The following COL5A2 variants were observed in gnomAD, a reference collection of about 807,000 sequenced individuals.
The protein encoded by COL5A2 is collagen type V alpha 2 chain, also known as collagen alpha-2(V) chain.
Under a neutral mutation model 208.2 loss-of-function variants are expected in COL5A2, and 23 were observed. The observed-to-expected ratio is 0.11, with a 90% CI of 0.08 to 0.16. COL5A2 has a LOEUF of 0.16. COL5A2 is among the 10% of genes least tolerant of loss of function. The pLI, the probability that COL5A2 is intolerant of heterozygous loss-of-function variation, is 1.00. For missense variants in COL5A2, 1,590 were observed against 1,956.4 expected (o/e 0.81, Z 3.53); for synonymous variants, 625 against 628.5 (o/e 0.99, Z 0.08).
intron 1 of COL5A2, among the ~76,000 whole-genome samples, chr2:189,120,045 G>C (rs1271830739): frequency 6.6e-6 from 1 of 151,992 alleles, no homozygotes; most frequent in Non-Finnish European, 1.5e-5. Context: ...TGTCAATCTG[G>C]AAAAAGGAAT....
At chr2:189,311,201 TC>T in the COL5A2 span, 2 of 1,060,908 alleles carry the variant, frequency 1.9e-6, no homozygotes, top group Non-Finnish European at 2.8e-6. Context: ...TATTTTTTTT[TC>T]ACCTCTGAAC....
the COL5A2 span, among the ~76,000 whole-genome samples, chr2:189,310,185 A>C: frequency 6.6e-6 from 1 of 152,238 alleles, no homozygotes; most frequent in Non-Finnish European, 1.5e-5. Flanking sequence ...AAGGAACATT[A>C]ATAATAGATA....
At chr2:189,271,955 A>G in the COL5A2 span, among the ~76,000 whole-genome samples, 1 of 152,218 alleles carries the variant, frequency 6.6e-6, no homozygotes, top group Non-Finnish European at 1.5e-5. Flanking sequence ...CAAAACCACA[A>G]TGAGATACCA....
intron 29 of COL5A2, among the ~76,000 whole-genome samples, chr2:189,062,646 C>T (rs1686059738): frequency 6.6e-6 from 1 of 152,004 alleles, no homozygotes; most frequent in African/African-American, 2.4e-5. Flanking sequence ...CAGAGTTTTA[C>T]AGAAGTTTAA....
chr2:189,421,601 A>C, the COL5A2 span, among the ~76,000 whole-genome samples: 2 of 151,980 alleles, frequency 1.3e-5, no homozygotes, highest in Admixed American at 6.6e-5. Flanking sequence ...CCACAGTAAA[A>C]ATCACTACCA....
At chr2:189,423,889 G>A in the COL5A2 span, among the ~76,000 whole-genome samples, 1 of 150,422 alleles carries the variant, frequency 6.6e-6, no homozygotes, top group African/African-American at 2.5e-5. Flanking sequence ...CAAATCAGAC[G>A]AGGGGGAAAA....
chr2:189,148,692 T>G (rs1688087090), intron 1 of COL5A2, among the ~76,000 whole-genome samples: 1 of 152,214 alleles, frequency 6.6e-6, no homozygotes, highest in South Asian at 2.1e-4. Flanking sequence ...TATTCTAGAA[T>G]CATAGATTTA....
the COL5A2 span, among the ~76,000 whole-genome samples, chr2:189,307,320 CAATT>C: frequency 1.7e-4 from 26 of 152,040 alleles, 1 homozygote; most frequent in South Asian, 5.4e-3. Context: ...TACTTGCTAT[CAATT>C]AATATTCTAC....
At chr2:189,363,435 CTTAA>C in the COL5A2 span, among the ~76,000 whole-genome samples, 196 of 151,918 alleles carry the variant, frequency 1.3e-3, 1 homozygote, top group African/African-American at 3.7e-3. Flanking sequence ...GTTTTTTCTC[CTTAA>C]TTAATGTGGC....
the COL5A2 span, among the ~76,000 whole-genome samples, chr2:189,308,796 C>G: frequency 6.6e-6 from 1 of 152,128 alleles, no homozygotes. Context: ...GTTGTCCTAC[C>G]TTTCTGGACC....
At chr2:189,090,331 G>A (rs1398029821) in intron 7 of COL5A2, among the ~76,000 whole-genome samples, 9 of 152,190 alleles carry the variant, frequency 5.9e-5, no homozygotes, top group Admixed American at 5.9e-4. Flanking sequence ...AGTGGCAGAA[G>A]AAAAGTTGGA....
At chr2:189,350,493 AC>A in the COL5A2 span, among the ~76,000 whole-genome samples, 3 of 152,230 alleles carry the variant, frequency 2.0e-5, no homozygotes, top group African/African-American at 7.2e-5. Flanking sequence ...AAAGTGTTGC[AC>A]TATTTTTCAT....
chr2:189,108,540 T>C (rs1687196257), intron 2 of COL5A2, among the ~76,000 whole-genome samples: 2 of 152,036 alleles, frequency 1.3e-5, no homozygotes, highest in East Asian at 1.9e-4. Flanking sequence ...GAAGTATTTA[T>C]TTATCTTTAA....
chr2:189,101,132 A>T (rs1490743745), intron 3 of COL5A2, among the ~76,000 whole-genome samples: 1 of 152,082 alleles, frequency 6.6e-6, no homozygotes, highest in African/African-American at 2.4e-5. Flanking sequence ...TTCCATTAAT[A>T]TATTAAGAAA....
intron 1 of COL5A2, among the ~76,000 whole-genome samples, chr2:189,147,605 A>G (rs565758049): frequency 5.9e-5 from 9 of 152,212 alleles, no homozygotes; most frequent in Non-Finnish European, 1.3e-4. Flanking sequence ...ATGTTCTAAC[A>G]TGCATAAGGA....
chr2:189,042,208 T>C (rs1361130691), intron 49 of COL5A2, among the ~76,000 whole-genome samples: 1 of 152,196 alleles, frequency 6.6e-6, no homozygotes, highest in African/African-American at 2.4e-5. Context: ...CCACCAATTG[T>C]CTTATGCCAT....
intron 5 of COL5A2, 147 bp from the exon 6 acceptor site, chr2:189,097,477 G>A: frequency 1.2e-6 from 1 of 824,612 alleles, no homozygotes; most frequent in Middle Eastern, 2.7e-4. Flanking sequence ...AAAGCCATGT[G>A]CATATAAAAG....
chr2:189,286,476 A>T, the COL5A2 span, among the ~76,000 whole-genome samples: 3 of 152,148 alleles, frequency 2.0e-5, no homozygotes, highest in Non-Finnish European at 2.9e-5. Context: ...CACTCATTAA[A>T]GTGTGGGTTG....
chr2:189,224,655 C>A (rs900679255), intron 1 of COL5A2, among the ~76,000 whole-genome samples: 1 of 151,900 alleles, frequency 6.6e-6, no homozygotes, highest in African/African-American at 2.4e-5. Context: ...TGCCACTGCA[C>A]TCCAGTCTGG....
Sources: allele counts gnomAD v4.1 joint callset (sites outside exome capture counted in the v4.1 genomes callset), GRCh38; gene constraint gnomAD v4.1.1; transcripts MANE v1.5; gene names NCBI Gene and HGNC (gene_info 2026-07-23, HGNC 2026-07-21).